The following POU4F3 variants were observed in gnomAD, a reference collection of about 807,000 sequenced individuals.
POU4F3 encodes POU class 4 homeobox 3.
Under a neutral mutation model 22.0 loss-of-function variants are expected in POU4F3, and 7 were observed. The ratio of observed to expected loss-of-function variants is 0.32; its 90% CI spans 0.18 to 0.60. The LOEUF is 0.60. Ranked by LOEUF, POU4F3 falls within the 20% of genes least tolerant of loss-of-function variation. POU4F3 has a pLI of 0.85. For missense variants in POU4F3, 457 were observed against 467.4 expected (o/e 0.98, Z 0.21); for synonymous variants, 220 against 194.5 (o/e 1.13, Z -1.09).
rs969803679 is a variant in POU4F3, at chr5:146,340,859, C to G, written c.*415C>G. The G allele has an allele frequency of 3.6e-5, 11 of 306,276 alleles. No homozygotes were observed. The highest frequency in any genetic ancestry group is 6.3e-5 in the Non-Finnish European group (10 of 159,838). The allele number at this position is 306,276 out of a possible 1,614,324, so 19.0% of individuals were successfully genotyped here. A position where few individuals can be genotyped will look rare whatever the true frequency, so the allele number is the denominator to read the frequency against. On this transcript the variant is annotated 3_prime_UTR_variant, in exon 2 of 2. Transcript: ENST00000646991. ...GGTGAAGGGATAAAAAGGAAGTGATCAATAATAACACAAAGTCTAGGATAT... is the reference window on the plus strand; with the variant it reads ...GGTGAAGGGATAAAAAGGAAGTGATGAATAATAACACAAAGTCTAGGATAT...
chr5:146,341,723 C>T lies in POU4F3; in HGVS notation c.*1279C>T, dbSNP rs1453221263. On this transcript the variant is annotated 3_prime_UTR_variant, in exon 2 of 2. Coordinates refer to ENST00000646991, the MANE Select transcript of POU4F3 (RefSeq NM_002700.3). ...CTAAAATAAATGCTTTATTTTTCAACCCGAATCAAAGTGGTTTTATTTTTT... is the reference window on the plus strand; with the variant it reads ...CTAAAATAAATGCTTTATTTTTCAATCCGAATCAAAGTGGTTTTATTTTTT... 6.6e-6 allele frequency: 1 copy of T among 152,156 alleles called. No individual in the cohort carries two copies. The highest frequency in any genetic ancestry group is 1.9e-4 in the East Asian group (1 of 5,198). The allele number at this position is 152,156 out of a possible 1,614,324, so 9.4% of individuals were successfully genotyped here. A position where few individuals can be genotyped will look rare whatever the true frequency, so the allele number is the denominator to read the frequency against.
Position 146,340,614 on chromosome 5 carries a change from C to T in POU4F3, c.*170C>T, listed in dbSNP as rs1312358574. The T allele has an allele frequency of 2.2e-6, 2 of 919,158 alleles. No individual in the cohort carries two copies. The highest frequency in any genetic ancestry group is 3.3e-5 in the African/African-American group (2 of 60,074). 56.9% of individuals were successfully genotyped at this position (919,158 alleles called of 1,614,324 possible). On this transcript the variant is annotated 3_prime_UTR_variant, in exon 2 of 2. Transcript: ENST00000646991. ...CGCCTGGTTGCCTCCGGCCTTCTCT[C>T]TCTTTCCTTTCTATTCCCACCAAAA...
At position 146,340,530 on chromosome 5, in the gene POU4F3, G is replaced by C. The variant is rs552079896; in HGVS notation, c.*86G>C. The C allele has an allele frequency of 5.2e-6, 8 of 1,550,940 alleles. No homozygotes were observed. In the South Asian group the frequency reaches 9.1e-5, roughly 18 times the overall value. On this transcript the variant is annotated 3_prime_UTR_variant, in exon 2 of 2. Coordinates refer to ENST00000646991, the MANE Select transcript of POU4F3 (RefSeq NM_002700.3). Reference sequence around the variant, plus strand: ...GGGGATGGTTATCGGGAACTCCAAGGCGTTTCCTAGGCAGGTTAGGCTCTC... The same window carrying C: ...GGGGATGGTTATCGGGAACTCCAAGCCGTTTCCTAGGCAGGTTAGGCTCTC...
At position 146,338,957 on chromosome 5, in the gene POU4F3, T is replaced by A. The variant is rs989991397; in HGVS notation, c.-156T>A. On this transcript the variant is annotated 5_prime_UTR_variant, in exon 1 of 2. Coordinates refer to ENST00000646991, the MANE Select transcript of POU4F3 (RefSeq NM_002700.3). Reference sequence around the variant, plus strand: ...CGGGCCCTTCCTGGCAGGCTGCTTGTAAGATGAGTGAAGAAGCAGGTGGGG... The same window carrying A: ...CGGGCCCTTCCTGGCAGGCTGCTTGAAAGATGAGTGAAGAAGCAGGTGGGG... 28 of 1,241,036 alleles carry A rather than the reference T, an allele frequency of 2.3e-5. No individual in the cohort carries two copies. Among genetic ancestry groups the A allele is most frequent in the Non-Finnish European group, 2.8e-5 (25 of 877,656 alleles). The allele number at this position is 1,241,036 out of a possible 1,614,324, so 76.9% of individuals were successfully genotyped here.
rs1482609871 is a variant in POU4F3, at chr5:146,341,230, C to T, written c.*786C>T. ...ACTGGTGTTTGAGGGGTAATTACTG[C>T]TTGCTGGAGAGCGGGAGTTTGTAGT... On this transcript the variant is annotated 3_prime_UTR_variant, in exon 2 of 2. Transcript: ENST00000646991. 1.3e-5 allele frequency: 2 copies of T among 152,346 alleles called. No individual in the cohort carries two copies. Among genetic ancestry groups the T allele is most frequent in the African/African-American group, 4.8e-5 (2 of 41,430 alleles). The allele number at this position is 152,346 out of a possible 1,614,324, so 9.4% of individuals were successfully genotyped here. A position where few individuals can be genotyped will look rare whatever the true frequency, so the allele number is the denominator to read the frequency against.
rs769197405 is a variant in POU4F3, at chr5:146,339,932, C to G, written c.505C>G (p.Pro169Ala). The change falls in exon 2 of 2, where the codon CCT becomes GCT. Residue 169 changes from proline (P) to alanine (A), a missense_variant. Physicochemically the swap from Pro to Ala is conservative, Grantham distance 27. This residue lies in a region of POU4F3 where 410 missense variants were observed against 385.0 expected (regional missense o/e 1.06). Coordinates refer to ENST00000646991, the MANE Select transcript of POU4F3 (RefSeq NM_002700.3). The surrounding 1 kb of genome is among the most constrained non-coding windows in gnomAD (Gnocchi z 4.7). ...CATGAGTCACCCGCACACCGTGGCC[C>G]CTCATAGCGCCATGCCTGCATGCCT... ...MGMSHPHTVA[P>A]HSAMPACLSD... The G allele has an allele frequency of 6.2e-7, 1 of 1,610,496 alleles. No homozygotes were observed. Among genetic ancestry groups the G allele is most frequent in the Non-Finnish European group, 8.5e-7 (1 of 1,179,940 alleles).
chr5:146,339,776 G>A lies in POU4F3; in HGVS notation c.349G>A (p.Gly117Ser), dbSNP rs1306842803. The A allele has an allele frequency of 6.2e-7, 1 of 1,612,822 alleles. No individual in the cohort carries two copies. Among genetic ancestry groups the A allele is most frequent in the Non-Finnish European group, 8.5e-7 (1 of 1,179,986 alleles). Residue 117 changes from glycine (G) to serine (S), a missense_variant, in exon 2 of 2, where the codon GGC becomes AGC. By Grantham distance (56) the Gly-to-Ser change is moderately conservative. Coordinates refer to ENST00000646991, the MANE Select transcript of POU4F3 (RefSeq NM_002700.3). This position sits in a 1 kb window ranked among gnomAD's most constrained non-coding sequence, Gnocchi z 4.7. ...CCACGCCGTGCACCAGGGCCTCGAA[G>A]GCGACCTGCTGGAGCACATCTCGCC... ...PHHAVHQGLE[G>S]DLLEHISPTL...
rs1760450790 is a variant in POU4F3 at position 146,341,097 on chromosome 5, AGTAGGGCTCCAAAACAG to A, written c.*656_*672del. Reference sequence around the variant, plus strand: ...TCCAAGTTGCCATTTTTTCGTGGTAAGTAGGGCTCCAAAACAGGTGGGCCCAGTCTGGCGACTGAAAA... The same window carrying A: ...TCCAAGTTGCCATTTTTTCGTGGTAAGTGGGCCCAGTCTGGCGACTGAAAA... On this transcript the variant is annotated 3_prime_UTR_variant, in exon 2 of 2. Coordinates refer to ENST00000646991, the MANE Select transcript of POU4F3 (RefSeq NM_002700.3). The A allele has an allele frequency of 6.5e-6, 1 of 153,802 alleles. No individual in the cohort carries two copies. The highest frequency in any genetic ancestry group is 1.4e-5 in the Non-Finnish European group (1 of 69,194). The allele number at this position is 153,802 out of a possible 1,614,324, so 9.5% of individuals were successfully genotyped here. A position where few individuals can be genotyped will look rare whatever the true frequency, so the allele number is the denominator to read the frequency against.
In POU4F3 at chr5:146,340,504, G is replaced by C. The variant is rs1760441273; in HGVS notation, c.*60G>C. ...CCTAGTGCTCATCCCTCCCGGGTTC[G>C]GGGGATGGTTATCGGGAACTCCAAG... is the stretch of plus-strand genomic sequence containing the variant. On this transcript the variant is annotated 3_prime_UTR_variant, in exon 2 of 2. Transcript: ENST00000646991. 1 of 1,604,608 alleles carries C rather than the reference G, an allele frequency of 6.2e-7. No individual in the cohort carries two copies. The highest frequency in any genetic ancestry group is 8.5e-7 in the Non-Finnish European group (1 of 1,175,470).
Position 146,338,998 on chromosome 5 carries a change from G to A in POU4F3, c.-115G>A. The A allele has an allele frequency of 6.8e-7, 1 of 1,479,888 alleles. No individual in the cohort carries two copies. The highest frequency in any genetic ancestry group is 9.2e-7 in the Non-Finnish European group (1 of 1,083,414). The allele number at this position is 1,479,888 out of a possible 1,614,324, so 91.7% of individuals were successfully genotyped here. A position where few individuals can be genotyped will look rare whatever the true frequency, so the allele number is the denominator to read the frequency against. On this transcript the variant is annotated 5_prime_UTR_variant, in exon 1 of 2. Transcript: ENST00000646991. ...GCAGGTGGGGGAGAGGGGAGGCAGC[G>A]AGCGAGAGGGCGAGGGGAGCGCGGG... is the stretch of plus-strand genomic sequence containing the variant.
rs574142529 is a variant in POU4F3, at chr5:146,338,964, A to C, written c.-149A>C. 7.9e-7 allele frequency: 1 copy of C among 1,261,988 alleles called. No individual in the cohort carries two copies. The highest frequency in any genetic ancestry group is 1.1e-6 in the Non-Finnish European group (1 of 894,536). The allele number at this position is 1,261,988 out of a possible 1,614,324, so 78.2% of individuals were successfully genotyped here. A position where few individuals can be genotyped will look rare whatever the true frequency, so the allele number is the denominator to read the frequency against. Reference sequence around the variant, plus strand: ...TTCCTGGCAGGCTGCTTGTAAGATGAGTGAAGAAGCAGGTGGGGGAGAGGG... The same window carrying C: ...TTCCTGGCAGGCTGCTTGTAAGATGCGTGAAGAAGCAGGTGGGGGAGAGGG... On this transcript the variant is annotated 5_prime_UTR_variant, in exon 1 of 2. Coordinates refer to ENST00000646991, the MANE Select transcript of POU4F3 (RefSeq NM_002700.3).
rs891969 is a variant in POU4F3, at chr5:146,340,674, G to A, written c.*230G>A. On this transcript the variant is annotated 3_prime_UTR_variant, in exon 2 of 2. Coordinates refer to ENST00000646991, the MANE Select transcript of POU4F3 (RefSeq NM_002700.3). ...CGCTGGGAAAATATTGCAGAAGGGC[G>A]GGCCTGAGTGTACTTGTGCTGTCCG... The A allele has an allele frequency of 0.2, 120,976 of 603,634 alleles. 12,673 individuals are homozygous for A. Among genetic ancestry groups the A allele is most frequent in the East Asian group, 0.22 (7,455 of 34,236 alleles). 37.4% of individuals were successfully genotyped at this position (603,634 alleles called of 1,614,324 possible). A position where few individuals can be genotyped will look rare whatever the true frequency, so the allele number is the denominator to read the frequency against.
chr5:146,340,188 A>T lies in POU4F3; in HGVS notation c.761A>T (p.Glu254Val), dbSNP rs1339357518. ...LKPVLQAWLEEAEAAYREKNS... is the reference protein window; with the variant it reads ...LKPVLQAWLEVAEAAYREKNS... ...CCGGTGCTCCAGGCCTGGTTGGAGG[A>T]GGCCGAGGCCGCCTACCGAGAGAAG... Residue 254 changes from glutamate (E) to valine (V), a missense_variant, in exon 2 of 2, where the codon GAG (glutamate) becomes GTG (valine). Physicochemically the swap from Glu to Val is moderately radical, Grantham distance 121. This residue lies in a region of POU4F3 where 410 missense variants were observed against 385.0 expected (regional missense o/e 1.06). Transcript: ENST00000646991. 1.2e-6 allele frequency: 2 copies of T among 1,614,132 alleles called. No individual in the cohort carries two copies. The highest frequency in any genetic ancestry group is 8.5e-7 in the Non-Finnish European group (1 of 1,180,032).
rs1181541088 is a variant in POU4F3 at position 146,339,614 on chromosome 5, G to A, written c.187G>A (p.Val63Met). 3 of 1,614,194 alleles carry A rather than the reference G, an allele frequency of 1.9e-6. No homozygotes were observed. The highest frequency in any genetic ancestry group is 3.3e-5 in the Admixed American group (2 of 60,030). ...GGCACGCGCCGAAGCTCTGGCGGCG[G>A]TGGATATCGTCTCCCACGGCAAGAA... ...LLARAEALAAVDIVSHGKNHP... is the reference protein window; with the variant it reads ...LLARAEALAAMDIVSHGKNHP... Residue 63 changes from valine to methionine, a missense_variant, in exon 2 of 2, where the codon GTG becomes ATG. Val to Met is a conservative substitution (Grantham distance 21). Coordinates refer to ENST00000646991, the MANE Select transcript of POU4F3 (RefSeq NM_002700.3). This position sits in a 1 kb window ranked among gnomAD's most constrained non-coding sequence, Gnocchi z 4.7.
chr5:146,339,450 G>A lies in POU4F3; in HGVS notation c.121-98G>A. The A allele has an allele frequency of 1.3e-6, 2 of 1,541,432 alleles. No homozygotes were observed. Among genetic ancestry groups the A allele is most frequent in the South Asian group, 2.3e-5 (2 of 88,348 alleles). ...CCTCCGTATTAATTTTTATGACCTG[G>A]GCTTTGAGGAGAGGCATCTCGGTTG... is the stretch of plus-strand genomic sequence containing the variant. On this transcript the variant is annotated intron_variant, in intron 1 of 1. Transcript: ENST00000646991. The surrounding 1 kb of genome is among the most constrained non-coding windows in gnomAD (Gnocchi z 4.7).
rs1760406879 is a variant in POU4F3, at chr5:146,339,010, G to T, written c.-103G>T. 6.5e-7 allele frequency: 1 copy of T among 1,536,434 alleles called. No homozygotes were observed. The highest frequency in any genetic ancestry group is 8.9e-7 in the Non-Finnish European group (1 of 1,129,660). ...GAGGGGAGGCAGCGAGCGAGAGGGC[G>T]AGGGGAGCGCGGGCGCTGAGCAGCG... On this transcript the variant is annotated 5_prime_UTR_variant, in exon 1 of 2. Transcript: ENST00000646991. This position sits in a 1 kb window ranked among gnomAD's most constrained non-coding sequence, Gnocchi z 4.7.
rs112972897 is a variant in POU4F3 at position 146,339,372 on chromosome 5, T to G, written c.120+140T>G. 5.5e-4 allele frequency: 827 copies of G among 1,493,066 alleles called. 4 individuals carry two copies. In the African/African-American group the frequency reaches 7.5e-3, roughly 14 times the overall value. The allele number at this position is 1,493,066 out of a possible 1,614,324, so 92.5% of individuals were successfully genotyped here. A position where few individuals can be genotyped will look rare whatever the true frequency, so the allele number is the denominator to read the frequency against. ...TCCCCCGCGTTCTCTCCCGGCGCGC[T>G]CTCTCTCTCATTCATGTCTCTGATC... is the stretch of plus-strand genomic sequence containing the variant. On this transcript the variant is annotated intron_variant, in intron 1 of 1. Transcript: ENST00000646991. The surrounding 1 kb of genome is among the most constrained non-coding windows in gnomAD (Gnocchi z 4.7).
In POU4F3 at chr5:146,340,516, T is replaced by G. The variant is rs1343738405; in HGVS notation, c.*72T>G. On this transcript the variant is annotated 3_prime_UTR_variant, in exon 2 of 2. Coordinates refer to ENST00000646991, the MANE Select transcript of POU4F3 (RefSeq NM_002700.3). ...CCCTCCCGGGTTCGGGGGATGGTTA[T>G]CGGGAACTCCAAGGCGTTTCCTAGG... 6.3e-7 allele frequency: 1 copy of G among 1,591,532 alleles called. No homozygotes were observed. The highest frequency in any genetic ancestry group is 8.6e-7 in the Non-Finnish European group (1 of 1,166,416).
rs1371384575 is a variant in POU4F3 at position 146,339,625 on chromosome 5, C to A, written c.198C>A (p.Val66=). 3 of 1,614,114 alleles carry A rather than the reference C, an allele frequency of 1.9e-6. No individual in the cohort carries two copies. The highest frequency in any genetic ancestry group is 2.5e-6 in the Non-Finnish European group (3 of 1,180,050). Residue 66 remains valine, a synonymous_variant, in exon 2 of 2, where the codon GTC becomes GTA. Coordinates refer to ENST00000646991, the MANE Select transcript of POU4F3 (RefSeq NM_002700.3). The surrounding 1 kb of genome is among the most constrained non-coding windows in gnomAD (Gnocchi z 4.7). ...AAGCTCTGGCGGCGGTGGATATCGT[C>A]TCCCACGGCAAGAACCATCCGTTCA... ...RAEALAAVDI[V]SHGKNHPFKP...
Sources: gnomAD v4.1 joint callset for allele counts on GRCh38, gnomAD v4.1.1 for gene constraint, gnomAD v4.1.1 regional missense constraint, Gnocchi (gnomAD v3.1) non-coding constraint, MANE v1.5 for transcripts, NCBI Gene and HGNC (gene_info 2026-07-23, HGNC 2026-07-21) for gene names.